Variants in SPMIP6 observed in about 807,000 individuals in gnomAD.
SPMIP6 encodes ciliated bronchial epithelial protein 1.
At chr9:34,395,802 G>A in the SPMIP6 span, among the ~76,000 whole-genome samples, 1 of 152,112 alleles carries the variant, frequency 6.6e-6, no homozygotes, top group African/African-American at 2.4e-5. Context: ...AAACTCAAGG[G>A]TCACCCTAAT....
At chr9:34,380,695 C>T in the SPMIP6 span, 2 of 1,547,586 alleles carry the variant, frequency 1.3e-6, no homozygotes, top group Non-Finnish European at 1.7e-6. Context: ...GAGTAACCTT[C>T]GTGCTGGTTC....
the SPMIP6 span, among the ~76,000 whole-genome samples, chr9:34,388,721 T>C: frequency 2.0e-5 from 3 of 152,308 alleles, no homozygotes; most frequent in Non-Finnish European, 2.9e-5. Context: ...TGTGAGTTTA[T>C]CTCTTAAATA....
chr9:34,379,808 TG>T, the SPMIP6 span: 1 of 1,198,026 alleles, frequency 8.3e-7, no homozygotes, highest in Non-Finnish European at 1.2e-6. The surrounding 1 kb of genome is among the most constrained non-coding windows in gnomAD (Gnocchi z 4.2). Context: ...ACCAAGCCCC[TG>T]GGCGGCGCTT....
the SPMIP6 span, among the ~76,000 whole-genome samples, chr9:34,391,677 T>A: frequency 2.0e-5 from 3 of 152,184 alleles, no homozygotes; most frequent in Non-Finnish European, 2.9e-5. Flanking sequence ...ATTTTGGTTA[T>A]CTTTTTGTTG....
At chr9:34,395,226 C>T in the SPMIP6 span, among the ~76,000 whole-genome samples, 1 of 152,128 alleles carries the variant, frequency 6.6e-6, no homozygotes, top group Admixed American at 6.5e-5. Context: ...TTCAACCTCC[C>T]AAAGTGCTTG....
At chr9:34,379,160 C>A in the SPMIP6 span, 7 of 1,612,870 alleles carry the variant, frequency 4.3e-6, no homozygotes, top group African/African-American at 9.3e-5. The surrounding 1 kb of genome is among the most constrained non-coding windows in gnomAD (Gnocchi z 4.2). Flanking sequence ...CACCAGACTT[C>A]TTGAAGTGAC....
At chr9:34,379,323 G>A in the SPMIP6 span, 2 of 647,194 alleles carry the variant, frequency 3.1e-6, no homozygotes, top group Admixed American at 2.4e-5. The surrounding 1 kb of genome is among the most constrained non-coding windows in gnomAD (Gnocchi z 4.2). Context: ...CTGACCTTAG[G>A]TTCTACTGTT....
At chr9:34,396,609 C>T in the SPMIP6 span, among the ~76,000 whole-genome samples, 2 of 152,168 alleles carry the variant, frequency 1.3e-5, no homozygotes, top group African/African-American at 2.4e-5. Context: ...AAGGACTAAA[C>T]TCTCCTGCTC....
At chr9:34,386,906 T>C in the SPMIP6 span, among the ~76,000 whole-genome samples, 2 of 152,208 alleles carry the variant, frequency 1.3e-5, no homozygotes, top group African/African-American at 4.8e-5. Context: ...TGCAGGCAGC[T>C]GGTCTGAAAA....
At chr9:34,394,461 T>G in the SPMIP6 span, among the ~76,000 whole-genome samples, 1 of 152,152 alleles carries the variant, frequency 6.6e-6, no homozygotes, top group African/African-American at 2.4e-5. Flanking sequence ...GGCCCAATTA[T>G]TCTATATTAT....
the SPMIP6 span, among the ~76,000 whole-genome samples, chr9:34,385,155 G>A: frequency 6.6e-6 from 1 of 152,090 alleles, no homozygotes; most frequent in Non-Finnish European, 1.5e-5. Context: ...ATCTCCTCCA[G>A]GGCCAGGGTC....
the SPMIP6 span, among the ~76,000 whole-genome samples, chr9:34,385,284 C>G: frequency 3.9e-5 from 6 of 151,966 alleles, no homozygotes; most frequent in Non-Finnish European, 8.8e-5. Context: ...GTAATCCCAG[C>G]ATTTTGGGAG....
At chr9:34,379,903 C>G in the SPMIP6 span, 12 of 574,460 alleles carry the variant, frequency 2.1e-5, no homozygotes, top group South Asian at 2.4e-4. The surrounding 1 kb of genome is among the most constrained non-coding windows in gnomAD (Gnocchi z 4.2). Context: ...GATTCGGGAA[C>G]CCCCCTTGGA....
chr9:34,382,729 C>T, the SPMIP6 span: 261 of 1,509,020 alleles, frequency 1.7e-4, no homozygotes, highest in East Asian at 2.7e-3. Context: ...AGTCCCCAGA[C>T]GTCTGTGCTG....
At chr9:34,387,018 T>G in the SPMIP6 span, among the ~76,000 whole-genome samples, 9 of 147,864 alleles carry the variant, frequency 6.1e-5, no homozygotes, top group Non-Finnish European at 1.2e-4. Context: ...TCACCCACAC[T>G]TGATCCTTAT....
chr9:34,385,818 C>T, the SPMIP6 span: 2 of 1,596,184 alleles, frequency 1.3e-6, no homozygotes, highest in Admixed American at 1.7e-5. Flanking sequence ...GTTAGGGGCA[C>T]AGAGACCCCA....
chr9:34,385,735 T>A, the SPMIP6 span: 1 of 1,613,790 alleles, frequency 6.2e-7, no homozygotes, highest in Non-Finnish European at 8.5e-7. Context: ...GGCCATCTTC[T>A]GCAGGGCTTC....
the SPMIP6 span, chr9:34,381,143 G>A: frequency 6.4e-7 from 1 of 1,570,720 alleles, no homozygotes; most frequent in Non-Finnish European, 8.6e-7. This position sits in a 1 kb window ranked among gnomAD's most constrained non-coding sequence, Gnocchi z 4.4. Flanking sequence ...TGCTCCCGCG[G>A]GTCCCCAGCG....
the SPMIP6 span, among the ~76,000 whole-genome samples, chr9:34,394,057 A>G: frequency 1.3e-5 from 2 of 152,196 alleles, no homozygotes; most frequent in African/African-American, 4.8e-5. Context: ...CTTGGCCTCA[A>G]GTGATCTTCC....
Sources: allele counts gnomAD v4.1 joint callset (sites outside exome capture counted in the v4.1 genomes callset), GRCh38; gene constraint gnomAD v4.1.1; non-coding constraint Gnocchi (gnomAD v3.1); transcripts MANE v1.5; gene names NCBI Gene and HGNC (gene_info 2026-07-23, HGNC 2026-07-21).